Variants in LOC128125822 observed in about 807,000 individuals in gnomAD.
chr6:63,580,018 C>T, the LOC128125822 span: 1 of 1,460,290 alleles, frequency 6.8e-7, no homozygotes, highest in Non-Finnish European at 9.5e-7. Flanking sequence ...CTGTAGGGGG[C>T]TTTTGCCTTG....
chr6:63,578,653 A>T, the LOC128125822 span: 1 of 1,344,886 alleles, frequency 7.4e-7, no homozygotes. Flanking sequence ...AACAAATATT[A>T]TATTATTGTG....
At chr6:63,578,449 T>C in the LOC128125822 span, 1 of 1,607,786 alleles carries the variant, frequency 6.2e-7, no homozygotes, top group African/African-American at 1.3e-5. Flanking sequence ...ACTTAAGAAG[T>C]ATGGAGTTAC....
the LOC128125822 span, among the ~76,000 whole-genome samples, chr6:63,579,850 T>G: frequency 6.6e-6 from 1 of 152,154 alleles, no homozygotes; most frequent in Non-Finnish European, 1.5e-5. Flanking sequence ...TAACCAATAC[T>G]CAAACGAAGA....
chr6:63,574,546 T>C, the LOC128125822 span, among the ~76,000 whole-genome samples: 6 of 152,312 alleles, frequency 3.9e-5, no homozygotes, highest in East Asian at 1.9e-4. Context: ...ATTCTTAATA[T>C]AGTTCTTTCT....
chr6:63,574,713 A>G, the LOC128125822 span, among the ~76,000 whole-genome samples: 1 of 152,224 alleles, frequency 6.6e-6, no homozygotes, highest in Non-Finnish European at 1.5e-5. Flanking sequence ...AGAAATTAGA[A>G]TACTGTGATG....
the LOC128125822 span, chr6:63,580,878 ATTAAT>A: frequency 6.6e-6 from 1 of 152,614 alleles, no homozygotes; most frequent in Admixed American, 6.5e-5. Context: ...AAAGCCTTAC[ATTAAT>A]TTAATGTTTG....
At chr6:63,579,053 C>CAAA in the LOC128125822 span, 21 of 1,548,478 alleles carry the variant, frequency 1.4e-5, no homozygotes, top group Middle Eastern at 1.7e-4. Flanking sequence ...CAATTTGATT[C>CAAA]TAGGTAAAAA....
At chr6:63,576,099 T>G in the LOC128125822 span, among the ~76,000 whole-genome samples, 2 of 149,852 alleles carry the variant, frequency 1.3e-5, no homozygotes, top group African/African-American at 4.9e-5. Flanking sequence ...ATATTATATA[T>G]AGATAGTATA....
At chr6:63,581,523 G>A in the LOC128125822 span, 1 of 152,370 alleles carries the variant, frequency 6.6e-6, no homozygotes, top group Non-Finnish European at 1.5e-5. Flanking sequence ...TTCACTTAAT[G>A]TGTGTCCTCA....
At chr6:63,581,498 CAA>C in the LOC128125822 span, 1 of 152,452 alleles carries the variant, frequency 6.6e-6, no homozygotes, top group African/African-American at 2.4e-5. Flanking sequence ...TTGTAGAAGA[CAA>C]AATGAATTGC....
chr6:63,578,469 A>T, the LOC128125822 span: 1 of 1,610,438 alleles, frequency 6.2e-7, no homozygotes, highest in Non-Finnish European at 8.5e-7. Flanking sequence ...CCACAATAGT[A>T]AGAGTATGTG....
chr6:63,577,485 CAT>C, the LOC128125822 span, among the ~76,000 whole-genome samples: 10 of 152,284 alleles, frequency 6.6e-5, no homozygotes, highest in East Asian at 1.9e-4. Context: ...GGGATGTGCA[CAT>C]GTTTTATTTT....
the LOC128125822 span, among the ~76,000 whole-genome samples, chr6:63,579,739 A>G: frequency 1.3e-5 from 2 of 152,210 alleles, no homozygotes; most frequent in African/African-American, 4.8e-5. Context: ...TGGCTTTTGT[A>G]GTCATCTTCC....
the LOC128125822 span, chr6:63,578,923 C>G: frequency 6.3e-7 from 1 of 1,589,254 alleles, no homozygotes; most frequent in Non-Finnish European, 8.5e-7. Context: ...GATGGTGCAC[C>G]ACCATCCAAC....
At chr6:63,575,793 G>A in the LOC128125822 span, among the ~76,000 whole-genome samples, 9 of 151,730 alleles carry the variant, frequency 5.9e-5, no homozygotes, top group African/African-American at 9.7e-5. Flanking sequence ...CATTTTCCTC[G>A]TCTTCAGTTT....
chr6:63,578,639 TAA>T, the LOC128125822 span: 1 of 1,384,592 alleles, frequency 7.2e-7, no homozygotes, highest in Non-Finnish European at 9.6e-7. Context: ...CTCAAAAAGC[TAA>T]AAACAAATAT....
At chr6:63,573,316 C>G in the LOC128125822 span, 1 of 152,240 alleles carries the variant, frequency 6.6e-6, no homozygotes, top group Non-Finnish European at 1.5e-5. Flanking sequence ...GTAGGCCGGA[C>G]AGCCAGGCAC....
At chr6:63,572,513 G>GGCCGGCTCGGCTACGC in the LOC128125822 span, 2 of 391,692 alleles carry the variant, frequency 5.1e-6, no homozygotes, top group South Asian at 2.5e-4. Context: ...TTCGGCTGCG[G>GGCCGGCTCGGCTACGC]GCCGGCTCGG....
the LOC128125822 span, chr6:63,578,804 T>C: frequency 4.0e-6 from 5 of 1,257,078 alleles, no homozygotes; most frequent in Admixed American, 3.0e-5. Flanking sequence ...AAAATGAGAA[T>C]GCTTTTGAAA....
Sources: allele counts gnomAD v4.1 joint callset (sites outside exome capture counted in the v4.1 genomes callset), GRCh38; gene constraint gnomAD v4.1.1; transcripts MANE v1.5.